Variants in IQCM observed in about 807,000 individuals in gnomAD.
IQCM encodes the protein IQ domain-containing protein M.
In IQCM, 45 loss-of-function variants were observed where a neutral mutation model predicts 57.6. The ratio of observed to expected loss-of-function variants is 0.78; its 90% confidence interval spans 0.62 to 1.00. The LOEUF (loss-of-function observed/expected upper bound fraction) is 1.00, where lower values mean the gene tolerates loss of function less well. Among genes scored for constraint, IQCM ranks in the 50% least tolerant of loss-of-function variants. The pLI is 0.00. For synonymous variants in IQCM, 148 were observed against 158.9 expected (o/e 0.93, Z 0.51); for missense variants, 468 against 511.6 (o/e 0.91, Z 0.82).
rs544198444 is a variant in IQCM, at chr4:149,711,728, G to A, written c.385+21516C>T. On this transcript the variant is annotated intron_variant, in intron 5 of 13. Transcript: ENST00000636793. ...TACAGAGCTACAACCAGCTATTCCA[G>A]TCTATTTTTGAAAGCTACTTAAAGG... 1.7e-4 allele frequency among the ~76,000 whole-genome samples: 26 copies of A among 152,250 alleles called. No homozygotes were observed. In the South Asian group the frequency reaches 5.4e-3, roughly 32 times the overall value.
At chr4:149,379,406 A>G (rs1217970209) in intron 13 of IQCM, among the ~76,000 whole-genome samples, 1 of 152,168 alleles carries the variant, frequency 6.6e-6, no homozygotes, top group Non-Finnish European at 1.5e-5. Flanking sequence ...TGTACCCCAC[A>G]AAGCCATAGA....
chr4:149,420,992 T>C (rs1388995633), intron 13 of IQCM, among the ~76,000 whole-genome samples: 2 of 40,386 alleles, frequency 5.0e-5, no homozygotes, highest in Non-Finnish European at 9.5e-5. Context: ...TTATGCATAA[T>C]TATGACCAGC....
chr4:149,567,384 T>C (rs1750731451), intron 9 of IQCM, among the ~76,000 whole-genome samples: 2 of 152,226 alleles, frequency 1.3e-5, no homozygotes, highest in Admixed American at 6.5e-5. Context: ...TCTCACTCTG[T>C]CACCCAGGCC....
intron 13 of IQCM, among the ~76,000 whole-genome samples, chr4:149,427,270 TA>T (rs1207073785): frequency 6.6e-6 from 1 of 151,992 alleles, no homozygotes; most frequent in Non-Finnish European, 1.5e-5. Flanking sequence ...GCCAAGTATA[TA>T]GTAGACACTC....
At chr4:149,487,329 G>A (rs942577347) in intron 12 of IQCM, among the ~76,000 whole-genome samples, 17 of 152,042 alleles carry the variant, frequency 1.1e-4, no homozygotes, top group Admixed American at 2.0e-4. Context: ...CTCTTTACTC[G>A]TCACTTTCCT....
chr4:149,748,764 T>TA (rs540648428), intron 2 of IQCM: 137 of 151,906 alleles, frequency 9.0e-4, no homozygotes, highest in Middle Eastern at 3.4e-3. Context: ...AACTTGGGGG[T>TA]AAAAAGGAAA....
At chr4:149,776,814 A>G (rs1771132103) in intron 2 of IQCM, among the ~76,000 whole-genome samples, 1 of 152,158 alleles carries the variant, frequency 6.6e-6, no homozygotes, top group South Asian at 2.1e-4. Flanking sequence ...TTTTGCTAAT[A>G]AGATTATATA....
Position 149,769,284 on chromosome 4 carries a change from C to T in IQCM, c.-48-26545G>A, listed in dbSNP as rs189209141. On this transcript the variant is annotated intron_variant, in intron 2 of 13. Transcript: ENST00000636793. Reference sequence around the variant, plus strand: ...GTTCTGAGATCCAGAACCATATATTCAACTGCCTGCTGGACATATCCGCCC... The same window carrying T: ...GTTCTGAGATCCAGAACCATATATTTAACTGCCTGCTGGACATATCCGCCC... Among the ~76,000 whole-genome samples, 4 of 152,118 alleles carry T rather than the reference C, an allele frequency of 2.6e-5. No homozygotes were observed. The East Asian group carries it at 7.7e-4, about 29-fold the overall frequency.
chr4:149,554,647 G>T (rs1346997992), intron 10 of IQCM, among the ~76,000 whole-genome samples: 2 of 151,030 alleles, frequency 1.3e-5, no homozygotes, highest in Non-Finnish European at 3.0e-5. Flanking sequence ...TTTTTTGTTT[G>T]TTTGTTTGTT....
chr4:149,359,508 A>C (rs1276635493), intron 13 of IQCM, among the ~76,000 whole-genome samples: 1 of 152,320 alleles, frequency 6.6e-6, no homozygotes, highest in Middle Eastern at 3.4e-3. Context: ...TATTGTAGAT[A>C]ATTAGGAAAT....
chr4:149,578,769 C>T (rs547702451), intron 9 of IQCM, among the ~76,000 whole-genome samples: 189 of 151,950 alleles, frequency 1.2e-3, no homozygotes, highest in African/African-American at 4.3e-3. Context: ...TTGCCAACCA[C>T]GTATATATCA....
chr4:149,618,628 T>G (rs1756008678), intron 8 of IQCM, among the ~76,000 whole-genome samples: 1 of 151,398 alleles, frequency 6.6e-6, no homozygotes, highest in Admixed American at 6.6e-5. Flanking sequence ...CAGAATCTAT[T>G]AGAAATGCAA....
At chr4:149,404,035 A>T (rs936781002) in intron 13 of IQCM, among the ~76,000 whole-genome samples, 60 of 152,006 alleles carry the variant, frequency 3.9e-4, no homozygotes, top group Admixed American at 5.3e-4. Flanking sequence ...TAAGTGCTTA[A>T]TATTTGCTAG....
chr4:149,708,597 C>T (rs1373872639), intron 5 of IQCM, among the ~76,000 whole-genome samples: 1 of 151,932 alleles, frequency 6.6e-6, no homozygotes, highest in African/African-American at 2.4e-5. Flanking sequence ...TAAAGAAATG[C>T]AAATTCCTGA....
At chr4:149,517,010 C>T in intron 12 of IQCM, among the ~76,000 whole-genome samples, 1 of 150,222 alleles carries the variant, frequency 6.7e-6, no homozygotes, top group East Asian at 2.0e-4. Context: ...CTTAGTATTA[C>T]CATGACCTGT....
chr4:149,357,147 T>A lies in IQCM; in HGVS notation c.1391-5081A>T, dbSNP rs1220236206. 5.3e-5 allele frequency among the ~76,000 whole-genome samples: 8 copies of A among 152,300 alleles called. No homozygotes were observed. The East Asian group carries it at 1.5e-3, about 29-fold the overall frequency. ...TTATCAGCTTAAGGAGATTTTGGGC[T>A]GAGACAATGGGGTTTTCTAGATATA... is the stretch of plus-strand genomic sequence containing the variant. On this transcript the variant is annotated intron_variant, in intron 13 of 13. Coordinates refer to ENST00000636793, the MANE Select transcript of IQCM (RefSeq NM_001363507.2).
chr4:149,771,797 C>G (rs1770607772), intron 2 of IQCM, among the ~76,000 whole-genome samples: 1 of 152,088 alleles, frequency 6.6e-6, no homozygotes, highest in African/African-American at 2.4e-5. Flanking sequence ...AATGAATTAT[C>G]ATGACAATAT....
At chr4:149,588,646 C>T (rs774602089) in intron 8 of IQCM, among the ~76,000 whole-genome samples, 5 of 151,742 alleles carry the variant, frequency 3.3e-5, no homozygotes, top group South Asian at 2.1e-4. Flanking sequence ...GAAAAGGCCA[C>T]GTGAGGACAC....
intron 2 of IQCM, among the ~76,000 whole-genome samples, chr4:149,814,729 C>A (rs747161503): frequency 6.6e-6 from 1 of 151,808 alleles, no homozygotes; most frequent in Non-Finnish European, 1.5e-5. Context: ...TTTCTTTGAC[C>A]TATCTCTTGG....
Sources: gnomAD v4.1 joint callset for allele counts (sites outside exome capture counted in the v4.1 genomes callset) on GRCh38, gnomAD v4.1.1 for gene constraint, MANE v1.5 for transcripts, NCBI Gene and HGNC (gene_info 2026-07-23, HGNC 2026-07-21) for gene names.